CHCHD6: variants seen among roughly 807,000 people sequenced by gnomAD.
The protein encoded by CHCHD6 is coiled-coil-helix-coiled-coil-helix domain containing 6.
Under a neutral mutation model 32.3 loss-of-function variants are expected in CHCHD6, and 28 were observed. The observed-to-expected ratio is 0.87, with a 90% CI of 0.64 to 1.19. CHCHD6 has a LOEUF of 1.19. Ranked by LOEUF, CHCHD6 falls within the 50% of genes most tolerant of loss-of-function variation. The pLI, the probability that CHCHD6 is intolerant of heterozygous loss-of-function variation, is 0.00. For missense variants in CHCHD6, 333 were observed against 307.0 expected, an observed-to-expected ratio of 1.08 and a Z score of -0.63; for synonymous variants, 122 against 117.5, an observed-to-expected ratio of 1.04 and a Z score of -0.25.
intron 5 of CHCHD6, among the ~76,000 whole-genome samples, chr3:126,862,711 T>C (rs1281885874): frequency 4.0e-5 from 3 of 74,704 alleles, no homozygotes; most frequent in Admixed American, 1.4e-4. Flanking sequence ...CACCACCTCC[T>C]CCTCCTCTAC....
intron 5 of CHCHD6, among the ~76,000 whole-genome samples, chr3:126,906,617 G>A (rs905435890): frequency 3.9e-5 from 6 of 152,192 alleles, no homozygotes; most frequent in Non-Finnish European, 7.3e-5. Flanking sequence ...TCAGCCGGGG[G>A]TCGGGGAGGG....
intron 4 of CHCHD6, among the ~76,000 whole-genome samples, chr3:126,738,596 A>G (rs1303240231): frequency 6.6e-6 from 1 of 152,118 alleles, no homozygotes; most frequent in Admixed American, 6.5e-5. Flanking sequence ...CAGGCAGTGA[A>G]TGGTGATTAA....
At chr3:126,744,848 T>TG (rs1347051141) in intron 4 of CHCHD6, among the ~76,000 whole-genome samples, 2 of 152,130 alleles carry the variant, frequency 1.3e-5, no homozygotes, top group Non-Finnish European at 2.9e-5. Flanking sequence ...CCACCACACC[T>TG]GGCTAATTTT....
intron 4 of CHCHD6, among the ~76,000 whole-genome samples, chr3:126,752,221 A>G (rs535469568): frequency 2.0e-5 from 3 of 152,002 alleles, no homozygotes; most frequent in African/African-American, 7.3e-5. Context: ...ACTCCTTCCT[A>G]TTTTTCATTT....
At position 126,727,467 on chromosome 3, in the gene CHCHD6, A is replaced by G. The variant is rs114051456; in HGVS notation, c.196+281A>G. 5.5e-3 allele frequency among the ~76,000 whole-genome samples: 838 copies of G among 152,346 alleles called. 10 individuals are homozygous for G. The highest frequency in any genetic ancestry group is 0.019 in the African/African-American group (797 of 41,584). On this transcript the variant is annotated intron_variant, in intron 2 of 7. Transcript: ENST00000290913. ...ACCTGAGTTGACAGCTCAGGAAAGA[A>G]GTTGCCTTTAAGGCTCCTCAGAGGC... is the stretch of plus-strand genomic sequence containing the variant.
At chr3:126,844,166 A>G (rs1311291940) in intron 4 of CHCHD6, among the ~76,000 whole-genome samples, 1 of 152,162 alleles carries the variant, frequency 6.6e-6, no homozygotes, top group Non-Finnish European at 1.5e-5. Context: ...TTCCATGTGT[A>G]TTTGAGAAGC....
chr3:126,860,848 C>A (rs536146955), intron 5 of CHCHD6, among the ~76,000 whole-genome samples: 1 of 152,284 alleles, frequency 6.6e-6, no homozygotes, highest in African/African-American at 2.4e-5. Context: ...ATCAATGAGA[C>A]AGGAATATAC....
chr3:126,744,366 C>T (rs1236102856), intron 4 of CHCHD6, among the ~76,000 whole-genome samples: 1 of 152,202 alleles, frequency 6.6e-6, no homozygotes, highest in African/African-American at 2.4e-5. Flanking sequence ...TGGCTACTGG[C>T]AAGGTATAGA....
intron 6 of CHCHD6, among the ~76,000 whole-genome samples, chr3:126,930,415 GTAT>G (rs2078387361): frequency 6.6e-6 from 1 of 152,228 alleles, no homozygotes; most frequent in African/African-American, 2.4e-5. Flanking sequence ...AGTTCTCTTG[GTAT>G]TCCTGGGCAC....
chr3:126,853,664 C>T (rs749754249), intron 5 of CHCHD6, among the ~76,000 whole-genome samples: 11 of 152,078 alleles, frequency 7.2e-5, no homozygotes, highest in Non-Finnish European at 1.2e-4. Flanking sequence ...CCACCTTTGC[C>T]GGTGTTTAGG....
chr3:126,798,858 G>A (rs1938928340), intron 4 of CHCHD6, among the ~76,000 whole-genome samples: 1 of 152,204 alleles, frequency 6.6e-6, no homozygotes, highest in Non-Finnish European at 1.5e-5. Context: ...AAAAAGATTT[G>A]TAGTTGCTGA....
intron 4 of CHCHD6, among the ~76,000 whole-genome samples, chr3:126,752,221 A>C (rs535469568): frequency 1.3e-5 from 2 of 152,120 alleles, no homozygotes; most frequent in South Asian, 4.2e-4. Flanking sequence ...ACTCCTTCCT[A>C]TTTTTCATTT....
At chr3:126,769,013 A>G (rs1576393397) in intron 4 of CHCHD6, among the ~76,000 whole-genome samples, 1 of 152,034 alleles carries the variant, frequency 6.6e-6, no homozygotes. Flanking sequence ...TGATAGTTTC[A>G]TTTGCTCTGC....
chr3:126,768,242 T>C (rs1937454743), intron 4 of CHCHD6, among the ~76,000 whole-genome samples: 1 of 152,154 alleles, frequency 6.6e-6, no homozygotes, highest in South Asian at 2.1e-4. Flanking sequence ...GATCTGTTTA[T>C]TTAAAAGTGT....
chr3:126,776,000 G>A (rs1024500559), intron 4 of CHCHD6, among the ~76,000 whole-genome samples: 3 of 152,202 alleles, frequency 2.0e-5, no homozygotes, highest in African/African-American at 7.2e-5. Flanking sequence ...CCAGCATCAC[G>A]GAGACCAGTG....
chr3:126,925,898 C>T (rs745944206), intron 6 of CHCHD6, among the ~76,000 whole-genome samples: 6 of 152,212 alleles, frequency 3.9e-5, no homozygotes, highest in Non-Finnish European at 5.9e-5. Flanking sequence ...TGATCTAGAA[C>T]TTAACCTCTG....
intron 5 of CHCHD6, among the ~76,000 whole-genome samples, chr3:126,893,305 A>G (rs1262208340): frequency 2.6e-5 from 4 of 152,192 alleles, no homozygotes; most frequent in Admixed American, 6.5e-5. Flanking sequence ...CTTTGAATAG[A>G]ACAGTAAATA....
intron 1 of CHCHD6, among the ~76,000 whole-genome samples, chr3:126,722,533 C>G (rs910370769): frequency 6.6e-6 from 1 of 152,070 alleles, no homozygotes; most frequent in Non-Finnish European, 1.5e-5. Flanking sequence ...GGTTTAAACC[C>G]GTGTTTCTCT....
intron 4 of CHCHD6, among the ~76,000 whole-genome samples, chr3:126,810,841 T>C (rs1422426832): frequency 2.6e-5 from 4 of 152,148 alleles, no homozygotes; most frequent in Non-Finnish European, 5.9e-5. Flanking sequence ...TCCTGAGCTG[T>C]GGGACACAAG....
Sources: allele counts gnomAD v4.1 joint callset (sites outside exome capture counted in the v4.1 genomes callset), GRCh38; gene constraint gnomAD v4.1.1; transcripts MANE v1.5; gene names NCBI Gene and HGNC (gene_info 2026-07-23, HGNC 2026-07-21).